Variants in CFAP161 observed in about 807,000 individuals in gnomAD.
CFAP161 encodes the protein cilia and flagella associated protein 161.
CFAP161 carries 25 observed loss-of-function variants against 29.0 expected under a neutral mutation model. That is an observed-to-expected ratio of 0.86 (90% CI 0.63 to 1.20). CFAP161 has a LOEUF of 1.20. Among genes scored for constraint, CFAP161 ranks in the 50% most tolerant of loss-of-function variants. The pLI, the probability that CFAP161 is intolerant of heterozygous loss-of-function variation, is 0.00. For synonymous variants in CFAP161, 116 were observed against 137.4 expected (o/e 0.84, Z 1.09); for missense variants, 367 against 371.9 (o/e 0.99, Z 0.11).
chr15:81,128,282 G>A lies in CFAP161; in HGVS notation c.-7+558G>A, dbSNP rs139319172. ...CTGTAGCATGTGATGATGTTTGATA[G>A]CATTTCACCCATGGTAGAACTTCTT... On this transcript the variant is annotated intron_variant, in intron 2 of 4. Coordinates refer to the CFAP161 transcript ENST00000560091. 9.9e-3 allele frequency among the ~76,000 whole-genome samples: 1,506 copies of A among 152,292 alleles called. 15 individuals carry two copies. Among genetic ancestry groups the A allele is most frequent in the Non-Finnish European group, 0.016 (1,090 of 68,026 alleles).
upstream of CFAP161, chr15:81,134,187 C>A: frequency 1.0e-6 from 1 of 971,234 alleles, no homozygotes; most frequent in South Asian, 1.7e-5. Context: ...ATCTCCCGCC[C>A]CAGGGCGAGG....
intron 1 of CFAP161, among the ~76,000 whole-genome samples, chr15:81,101,847 A>T (rs1390739975): frequency 6.6e-6 from 1 of 152,044 alleles, no homozygotes; most frequent in East Asian, 1.9e-4. Context: ...GTTTGATTGC[A>T]ATGACATCCC....
chr15:81,114,371 G>A (rs1007567906), intron 1 of CFAP161, among the ~76,000 whole-genome samples: 2 of 152,218 alleles, frequency 1.3e-5, no homozygotes, highest in African/African-American at 2.4e-5. Context: ...AGCCATTTGG[G>A]CTTTCAGTGA....
At chr15:81,127,776 C>T (rs1237170920) in intron 2 of CFAP161, 2 of 152,134 alleles carry the variant, frequency 1.3e-5, no homozygotes, top group African/African-American at 4.8e-5. Context: ...CAAGACTGAT[C>T]TTTTTCAGAT....
intron 1 of CFAP161, among the ~76,000 whole-genome samples, chr15:81,116,063 A>G (rs1318712800): frequency 6.6e-6 from 1 of 152,120 alleles, no homozygotes; most frequent in African/African-American, 2.4e-5. Flanking sequence ...GAACTTTTCC[A>G]GAGAAGAATG....
rs1289782640 is a variant in CFAP161 at position 81,143,786 on chromosome 15, A to C, written c.602A>C (p.Gln201Pro). The change falls in exon 5 of 7, where the codon CAG becomes CCG. Residue 201 changes from glutamine to proline, a missense_variant. By Grantham distance (76) the Gln-to-Pro change is moderately conservative. Transcript: ENST00000286732. ...NCWQAAFPDP[Q>P]LRLEYEGFPV... Reference sequence around the variant, plus strand: ...TGGCAGGCTGCCTTCCCTGACCCCCAGTTACGCCTGGAATATGAAGGCTTC... The same window carrying C: ...TGGCAGGCTGCCTTCCCTGACCCCCCGTTACGCCTGGAATATGAAGGCTTC... 1 of 1,614,108 alleles carries C rather than the reference A, an allele frequency of 6.2e-7. No homozygotes were observed. The highest frequency in any genetic ancestry group is 1.1e-5 in the South Asian group (1 of 91,066).
chr15:81,137,149 G>T (rs999675785), intron 3 of CFAP161, among the ~76,000 whole-genome samples: 1 of 151,312 alleles, frequency 6.6e-6, no homozygotes, highest in Non-Finnish European at 1.5e-5. Context: ...GCACTAGATG[G>T]GATTTTCTCT....
intron 5 of CFAP161, 132 bp downstream of exon 5, chr15:81,143,952 A>G: frequency 2.0e-6 from 2 of 994,638 alleles, no homozygotes; most frequent in East Asian, 2.7e-5. Flanking sequence ...TTTTTTTTCC[A>G]TTTATAACAC....
chr15:81,128,102 T>C (rs1456549562), intron 2 of CFAP161, among the ~76,000 whole-genome samples: 1 of 152,228 alleles, frequency 6.6e-6, no homozygotes, highest in African/African-American at 2.4e-5. Flanking sequence ...ATGACCTTTG[T>C]GTAAGGCTGT....
chr15:81,141,118 G>A (rs956791263), intron 4 of CFAP161, among the ~76,000 whole-genome samples: 1 of 152,098 alleles, frequency 6.6e-6, no homozygotes, highest in Non-Finnish European at 1.5e-5. Flanking sequence ...GATTGGCATT[G>A]TAAAATTAAG....
At chr15:81,119,621 C>G (rs992528675) in intron 1 of CFAP161, among the ~76,000 whole-genome samples, 29 of 152,176 alleles carry the variant, frequency 1.9e-4, no homozygotes, top group Non-Finnish European at 2.8e-4. Flanking sequence ...TTTAGTATCT[C>G]TACAAGATGA....
intron 5 of CFAP161, among the ~76,000 whole-genome samples, chr15:81,145,402 C>T (rs960021812): frequency 2.6e-5 from 4 of 152,198 alleles, no homozygotes; most frequent in African/African-American, 7.2e-5. Context: ...GTACCTACCT[C>T]ATGAGGTTTT....
chr15:81,118,297 T>G (rs1165541966), intron 1 of CFAP161: 1 of 497,646 alleles, frequency 2.0e-6, no homozygotes, highest in Non-Finnish European at 3.8e-6. Context: ...GCTCTCAATT[T>G]TCCAGTCATT....
At chr15:81,128,824 G>C (rs943457939) in intron 2 of CFAP161, among the ~76,000 whole-genome samples, 2 of 151,954 alleles carry the variant, frequency 1.3e-5, no homozygotes, top group African/African-American at 4.8e-5. Flanking sequence ...GTATTTATTG[G>C]CTGGTTGTGG....
chr15:81,144,297 T>C (rs1894969524), intron 5 of CFAP161, among the ~76,000 whole-genome samples: 1 of 152,218 alleles, frequency 6.6e-6, no homozygotes, highest in Admixed American at 6.5e-5. Context: ...TAAGTACTAT[T>C]TTTTAAGGAC....
intron 4 of CFAP161, among the ~76,000 whole-genome samples, chr15:81,142,572 G>A (rs1894929671): frequency 6.6e-6 from 1 of 152,150 alleles, no homozygotes; most frequent in Non-Finnish European, 1.5e-5. Flanking sequence ...CAAATCTGCT[G>A]GACCTCCCTA....
intron 1 of CFAP161, among the ~76,000 whole-genome samples, chr15:81,115,708 C>T (rs560066054): frequency 1.3e-5 from 2 of 152,204 alleles, no homozygotes; most frequent in African/African-American, 2.4e-5. Context: ...TGAGACAGGG[C>T]TCACTCTGTC....
intron 2 of CFAP161, among the ~76,000 whole-genome samples, chr15:81,128,199 A>G (rs1894664912): frequency 6.6e-6 from 1 of 152,214 alleles, no homozygotes; most frequent in South Asian, 2.1e-4. Flanking sequence ...TGTCAGAATT[A>G]TCTTAACATT....
Position 81,134,357 on chromosome 15 carries a change from G to A in CFAP161, c.28G>A (p.Val10Ile), listed in dbSNP as rs748738209. 1.3e-6 allele frequency: 2 copies of A among 1,591,492 alleles called. No homozygotes were observed. The highest frequency in any genetic ancestry group is 4.5e-5 in the East Asian group (2 of 44,128). Reference sequence around the variant, plus strand: ...GGCGCAGAACGTGTATGGTCCGGGAGTCCGGATAGGCAACTGGAATGAGGA... The same window carrying A: ...GGCGCAGAACGTGTATGGTCCGGGAATCCGGATAGGCAACTGGAATGAGGA... MAQNVYGPG[V>I]RIGNWNEDVY... is the part of the protein sequence containing the mutation. Residue 10 changes from valine to isoleucine, a missense_variant, in exon 1 of 7, where the codon GTC (valine) becomes ATC (isoleucine). Val to Ile is a conservative substitution (Grantham distance 29). Transcript: ENST00000286732.
Sources: gnomAD v4.1 joint callset for allele counts (sites outside exome capture counted in the v4.1 genomes callset) on GRCh38, gnomAD v4.1.1 for gene constraint, MANE v1.5 for transcripts, NCBI Gene and HGNC (gene_info 2026-07-23, HGNC 2026-07-21) for gene names.